Variants in SUPT3H observed in about 807,000 individuals in gnomAD.
SUPT3H encodes SPT3 homolog, SAGA and STAGA complex component, also known as transcription initiation protein SPT3 homolog.
In SUPT3H, 44 loss-of-function variants were observed where a neutral mutation model predicts 44.3. The ratio of observed to expected loss-of-function variants is 0.99; its 90% CI spans 0.78 to 1.28. The LOEUF (loss-of-function observed/expected upper bound fraction) is 1.28. SUPT3H is among the 50% of genes most tolerant of loss of function. SUPT3H has a pLI of 0.00. For synonymous variants in SUPT3H, 124 were observed against 125.6 expected, an observed-to-expected ratio of 0.99 and a Z score of 0.09; for missense variants, 380 against 387.1, an observed-to-expected ratio of 0.98 and a Z score of 0.15.
At chr6:44,844,433 T>A (rs1300120073) in intron 10 of SUPT3H, among the ~76,000 whole-genome samples, 1 of 152,150 alleles carries the variant, frequency 6.6e-6, no homozygotes, top group Non-Finnish European at 1.5e-5. Context: ...GTTTTATAGG[T>A]GAACATTTAT....
intron 2 of SUPT3H, among the ~76,000 whole-genome samples, chr6:45,288,547 GTA>G (rs58524677): frequency 4.6e-4 from 58 of 126,742 alleles, no homozygotes; most frequent in Admixed American, 9.4e-4. Flanking sequence ...GTGTGTGTGT[GTA>G]TATATATATA....
chr6:45,287,909 G>GT (rs1779585661), intron 2 of SUPT3H, among the ~76,000 whole-genome samples: 1 of 152,082 alleles, frequency 6.6e-6, no homozygotes, highest in African/African-American at 2.4e-5. Context: ...GTGTTATTTT[G>GT]TAACTTTTTG....
chr6:45,060,544 A>G (rs1480694321), intron 3 of SUPT3H, among the ~76,000 whole-genome samples: 1 of 152,164 alleles, frequency 6.6e-6, no homozygotes, highest in African/African-American at 2.4e-5. Flanking sequence ...CAAAGATTTC[A>G]TGACAAAACC....
chr6:45,261,091 A>C (rs1441056803), intron 2 of SUPT3H, among the ~76,000 whole-genome samples: 2 of 152,062 alleles, frequency 1.3e-5, no homozygotes, highest in Admixed American at 6.6e-5. Context: ...AACCAATCAA[A>C]ATTTGCCCTG....
intron 6 of SUPT3H, among the ~76,000 whole-genome samples, chr6:45,001,820 A>G (rs987115221): frequency 1.6e-4 from 24 of 152,206 alleles, no homozygotes; most frequent in African/African-American, 5.5e-4. Flanking sequence ...TCTGAGTCCA[A>G]AGTGGTTTCA....
chr6:45,007,321 G>C (rs1782853191), intron 5 of SUPT3H, among the ~76,000 whole-genome samples: 1 of 151,912 alleles, frequency 6.6e-6, no homozygotes, highest in African/African-American at 2.4e-5. Context: ...ATTATTCTTA[G>C]CTCTATAATT....
chr6:44,994,830 G>A (rs1329912039), intron 6 of SUPT3H, among the ~76,000 whole-genome samples: 2 of 152,038 alleles, frequency 1.3e-5, no homozygotes, highest in East Asian at 3.9e-4. Context: ...TGTACATTGT[G>A]AACTTCAATA....
chr6:45,018,838 G>C (rs924849552), intron 4 of SUPT3H, among the ~76,000 whole-genome samples: 75 of 151,834 alleles, frequency 4.9e-4, no homozygotes, highest in African/African-American at 1.7e-3. Context: ...CCCAGCTTTG[G>C]TATCAGGATG....
chr6:44,918,736 C>T (rs1768183452), intron 10 of SUPT3H, among the ~76,000 whole-genome samples: 1 of 152,046 alleles, frequency 6.6e-6, no homozygotes, highest in Admixed American at 6.5e-5. Context: ...CATACTGGCA[C>T]AAATTCAATA....
At chr6:45,100,790 A>G (rs1270188925) in intron 3 of SUPT3H, among the ~76,000 whole-genome samples, 1 of 152,122 alleles carries the variant, frequency 6.6e-6, no homozygotes, top group Non-Finnish European at 1.5e-5. Context: ...ACCATTATAG[A>G]AAACAATAAA....
intron 3 of SUPT3H, among the ~76,000 whole-genome samples, chr6:45,099,553 C>A (rs1583530653): frequency 6.6e-6 from 1 of 152,216 alleles, no homozygotes; most frequent in Non-Finnish European, 1.5e-5. Context: ...GAATAATTAT[C>A]TCTTCTTAAA....
chr6:45,176,396 A>G (rs1355091522), intron 2 of SUPT3H, among the ~76,000 whole-genome samples: 2 of 152,088 alleles, frequency 1.3e-5, no homozygotes, highest in Non-Finnish European at 2.9e-5. Flanking sequence ...CCATGAGATT[A>G]TATCTCACAC....
At chr6:45,294,014 C>T (rs2149880146) in intron 2 of SUPT3H, among the ~76,000 whole-genome samples, 1 of 152,206 alleles carries the variant, frequency 6.6e-6, no homozygotes, top group South Asian at 2.1e-4. Flanking sequence ...ATACTAAAAC[C>T]AGGAAAGGAC....
At chr6:45,338,646 A>T (rs538834380) in intron 2 of SUPT3H, among the ~76,000 whole-genome samples, 2 of 152,256 alleles carry the variant, frequency 1.3e-5, no homozygotes, top group South Asian at 4.1e-4. Flanking sequence ...TATCTTTCTC[A>T]AATAGTTAAT....
chr6:45,090,889 T>G (rs1797046092), intron 3 of SUPT3H, among the ~76,000 whole-genome samples: 1 of 151,852 alleles, frequency 6.6e-6, no homozygotes, highest in Non-Finnish European at 1.5e-5. Flanking sequence ...AAATCTTACA[T>G]CGAGTCTAGT....
At chr6:45,253,052 G>GA (rs955285786) in intron 2 of SUPT3H, among the ~76,000 whole-genome samples, 3 of 149,254 alleles carry the variant, frequency 2.0e-5, no homozygotes, top group Middle Eastern at 3.2e-3. Context: ...ATCGAAGCTA[G>GA]AAAAAAAACA....
At chr6:44,870,941 G>C (rs1223895666) in intron 10 of SUPT3H, among the ~76,000 whole-genome samples, 2 of 151,602 alleles carry the variant, frequency 1.3e-5, no homozygotes, top group African/African-American at 2.4e-5. Flanking sequence ...TTTTCAGACC[G>C]GCTTAAAAAA....
At chr6:45,169,254 A>G (rs1229493231) in intron 2 of SUPT3H, among the ~76,000 whole-genome samples, 2 of 152,192 alleles carry the variant, frequency 1.3e-5, no homozygotes, top group Non-Finnish European at 2.9e-5. Flanking sequence ...TTACTACTCA[A>G]ATGCATTCTT....
chr6:45,158,470 A>G (rs1195438773), intron 2 of SUPT3H, among the ~76,000 whole-genome samples: 1 of 151,510 alleles, frequency 6.6e-6, no homozygotes, highest in African/African-American at 2.4e-5. Context: ...CTTGGGCCCT[A>G]GAAGAAGGAA....
Sources: allele counts gnomAD v4.1 joint callset (sites outside exome capture counted in the v4.1 genomes callset), GRCh38; gene constraint gnomAD v4.1.1; transcripts MANE v1.5; gene names NCBI Gene and HGNC (gene_info 2026-07-23, HGNC 2026-07-21).